Variants in SLC22A2 observed in about 807,000 individuals in gnomAD.
SLC22A2 encodes organic cation transporter 2.
In SLC22A2, 46 loss-of-function variants were observed where a neutral mutation model predicts 60.5. The ratio of observed to expected loss-of-function variants is 0.76; its 90% CI spans 0.60 to 0.97. The LOEUF (loss-of-function observed/expected upper bound fraction) is 0.97. Among genes scored for constraint, SLC22A2 ranks in the 50% least tolerant of loss-of-function variants. The probability of loss-of-function intolerance (pLI) is 0.00; values close to 1 mark genes in which losing one functional copy is unlikely to be tolerated. For missense variants in SLC22A2, 701 were observed against 706.6 expected (o/e 0.99, Z 0.09); for synonymous variants, 303 against 267.0 (o/e 1.13, Z -1.31).
intron 6 of SLC22A2, 29 bp downstream of exon 6, chr6:160,245,410 G>A (rs764131059): frequency 1.6e-6 from 2 of 1,227,938 alleles, no homozygotes; most frequent in Non-Finnish European, 2.4e-6. Context: ...ACAATTTGGA[G>A]GCATTTCAAA....
chr6:160,230,601 A>G (rs1045207097), intron 9 of SLC22A2, among the ~76,000 whole-genome samples: 2 of 152,010 alleles, frequency 1.3e-5, no homozygotes, highest in Non-Finnish European at 2.9e-5. Flanking sequence ...AAGGTGTACA[A>G]TAATAGAGTA....
At chr6:160,234,779 GAAC>G (rs1216031048) in intron 9 of SLC22A2, among the ~76,000 whole-genome samples, 1 of 152,220 alleles carries the variant, frequency 6.6e-6, no homozygotes, top group Non-Finnish European at 1.5e-5. Flanking sequence ...CTTCTGGGAA[GAAC>G]AACGGAAACC....
chr6:160,222,395 T>C lies in SLC22A2; in HGVS notation c.1601+2310A>G, dbSNP rs76722488. Among the ~76,000 whole-genome samples, 815 of 152,330 alleles carry C rather than the reference T, an allele frequency of 5.4e-3. 2 individuals carry two copies. Among genetic ancestry groups the C allele is most frequent in the Middle Eastern group, 0.01 (3 of 294 alleles). On this transcript the variant is annotated intron_variant, in intron 10 of 10. Transcript: ENST00000366953. ...AAATGTGACGGCAGGGCTCAGGCTCTACAGGACTTGCTCTTCACCACACAT... is the reference window on the plus strand; with the variant it reads ...AAATGTGACGGCAGGGCTCAGGCTCCACAGGACTTGCTCTTCACCACACAT...
chr6:160,233,592 C>T (rs1441655975), intron 9 of SLC22A2, among the ~76,000 whole-genome samples: 1 of 151,914 alleles, frequency 6.6e-6, no homozygotes, highest in Non-Finnish European at 1.5e-5. Context: ...CTGGGTCCTC[C>T]CAATTCTTAG....
Position 160,256,153 on chromosome 6 carries a change from C to T in SLC22A2, c.518+461G>A, listed in dbSNP as rs554968676. Among the ~76,000 whole-genome samples the T allele has an allele frequency of 4.6e-5, 7 of 152,124 alleles. No individual in the cohort carries two copies. In the South Asian group the frequency reaches 1.5e-3, roughly 32 times the overall value. On this transcript the variant is annotated intron_variant, in intron 2 of 10. Transcript: ENST00000366953. ...CCAGGAACCCAATTCAGGACTCTTGCAATCCCACGGGTATTAGGGAGATTC... is the reference window on the plus strand; with the variant it reads ...CCAGGAACCCAATTCAGGACTCTTGTAATCCCACGGGTATTAGGGAGATTC...
At chr6:160,223,284 A>G (rs887578419) in intron 10 of SLC22A2, among the ~76,000 whole-genome samples, 1 of 152,238 alleles carries the variant, frequency 6.6e-6, no homozygotes, top group Non-Finnish European at 1.5e-5. Context: ...TCAAAATTAC[A>G]AAAAGGTAAG....
chr6:160,242,167 T>C, intron 8 of SLC22A2, 127 bp downstream of exon 8: 1 of 694,276 alleles, frequency 1.4e-6, no homozygotes, highest in Non-Finnish European at 2.7e-6. Context: ...GCTGGACCTT[T>C]ACGTGTTCTC....
chr6:160,250,494 A>G (rs1783164635), intron 3 of SLC22A2, 54 bp downstream of exon 3: 1 of 1,594,206 alleles, frequency 6.3e-7, no homozygotes, highest in African/African-American at 1.3e-5. Flanking sequence ...ACCTGACTCT[A>G]TTTTGGCAGC....
Position 160,217,453 on chromosome 6 carries a change from T to A in SLC22A2, c.1647A>T (p.Lys549Asn). 8 of 1,604,758 alleles carry A rather than the reference T, an allele frequency of 5.0e-6. No individual in the cohort carries two copies. The highest frequency in any genetic ancestry group is 6.8e-6 in the Non-Finnish European group (8 of 1,172,026). The change falls in exon 11 of 11, where the codon AAA becomes AAT. Residue 549 changes from lysine to asparagine, a missense_variant. Physicochemically the swap from Lys to Asn is moderately conservative, Grantham distance 94. Transcript: ENST00000366953. ...CTTCTTAGTTCAATGGAATGTCTAG[T>A]TTCTGAACTTGGAGGTAAATCATCT... Reference protein sequence around the residue: ...KEKMIYLQVQKLDIPLN With the variant: ...KEKMIYLQVQNLDIPLN
chr6:160,252,001 T>A (rs1415212816), intron 2 of SLC22A2, among the ~76,000 whole-genome samples: 1 of 152,216 alleles, frequency 6.6e-6, no homozygotes, highest in Non-Finnish European at 1.5e-5. Context: ...CTGGGGTACA[T>A]GTGCAGGATG....
Position 160,243,629 on chromosome 6 carries a change from C to T in SLC22A2, c.1222G>A (p.Ala408Thr). The stretch of plus-strand genomic sequence containing the variant: ...GCCCCTGCAACCATATTTGATGCAG[C>T]CCAAGGGTAACGGCGTCCGATGCGG... ...IDRIGRRYPW[A>T]ASNMVAGAAC... The change falls in exon 7 of 11, where the codon GCT (alanine) becomes ACT (threonine). Residue 408 changes from alanine (A) to threonine (T), a missense_variant. Physicochemically the swap from Ala to Thr is moderately conservative, Grantham distance 58. Coordinates refer to ENST00000366953, the MANE Select transcript of SLC22A2 (RefSeq NM_003058.4). The T allele has an allele frequency of 1.2e-6, 2 of 1,614,054 alleles. No individual in the cohort carries two copies. Among genetic ancestry groups the T allele is most frequent in the East Asian group, 2.2e-5 (1 of 44,874 alleles).
intron 10 of SLC22A2, among the ~76,000 whole-genome samples, chr6:160,219,600 G>T (rs1010916589): frequency 1.0e-3 from 143 of 142,756 alleles, no homozygotes; most frequent in African/African-American, 3.4e-3. Flanking sequence ...TCTCTGGCCT[G>T]TTTTTTTTTT....
chr6:160,233,019 G>T (rs1782850325), intron 9 of SLC22A2, among the ~76,000 whole-genome samples: 1 of 151,570 alleles, frequency 6.6e-6, no homozygotes, highest in Non-Finnish European at 1.5e-5. Context: ...TTCCATCGTG[G>T]AAATCTATCC....
chr6:160,258,620 G>C lies in SLC22A2; in HGVS notation c.138C>G (p.Thr46=), dbSNP rs146149903. ...CGGGGCTCCGGCAGCGGTGGTCAGG[G>C]GTGAAGCCCAGGAAGACGATGCCCA... ...IYVGIVFLGF[T]PDHRCRSPGV... Residue 46 remains threonine, a synonymous_variant, in exon 1 of 11, where the codon ACC becomes ACG. Coordinates refer to ENST00000366953, the MANE Select transcript of SLC22A2 (RefSeq NM_003058.4). 7.4e-5 allele frequency: 119 copies of C among 1,614,006 alleles called. No individual in the cohort carries two copies. The African/African-American group carries it at 1.5e-3, about 20-fold the overall frequency.
Position 160,258,345 on chromosome 6 carries a change from T to C in SLC22A2, c.413A>G (p.Glu138Gly). 11 of 1,604,606 alleles carry C rather than the reference T, an allele frequency of 6.9e-6. No individual in the cohort carries two copies. The highest frequency in any genetic ancestry group is 9.4e-6 in the Non-Finnish European group (11 of 1,175,696). ...YETPGSSIVT[E>G]FNLVCANSWM... Reference sequence around the variant, plus strand: ...TGAGCCCTGAGCTCACTCTCTTACCTCGGTGACGATGGACGAGCCAGGCGT... The same window carrying C: ...TGAGCCCTGAGCTCACTCTCTTACCCCGGTGACGATGGACGAGCCAGGCGT... Residue 138 changes from glutamate (E) to glycine (G), a missense_variant and splice_region_variant, in exon 1 of 11, where the codon GAG (glutamate) becomes GGG (glycine). Transcript: ENST00000366953.
In SLC22A2 at chr6:160,217,055, T is replaced by G. The variant is rs1416815565; in HGVS notation, c.*377A>C. 6.1e-6 allele frequency: 1 copy of G among 164,396 alleles called. No homozygotes were observed. Among genetic ancestry groups the G allele is most frequent in the East Asian group, 1.6e-4 (1 of 6,070 alleles). The allele number at this position is 164,396 out of a possible 1,614,324, so 10.2% of individuals were successfully genotyped here. A position where few individuals can be genotyped will look rare whatever the true frequency, so the allele number is the denominator to read the frequency against. On this transcript the variant is annotated 3_prime_UTR_variant, in exon 11 of 11. Coordinates refer to ENST00000366953, the MANE Select transcript of SLC22A2 (RefSeq NM_003058.4). The stretch of plus-strand genomic sequence containing the variant: ...AGAAAATAGATGCTCCTCTCCCAAC[T>G]TTACTGTTTTTCACACTTTTTTCTA...
intron 6 of SLC22A2, 105 bp downstream of exon 6, chr6:160,245,334 T>C: frequency 1.7e-6 from 1 of 604,248 alleles, no homozygotes. Context: ...CTGCCCACCG[T>C]CAGCGCTAAT....
Position 160,219,183 on chromosome 6 carries a change from C to CAACAACAGT in SLC22A2, c.1602-1686_1602-1685insACTGTTGTT, listed in dbSNP as rs1562428792. Among the ~76,000 whole-genome samples, 627 of 142,868 alleles carry CAACAACAGT rather than the reference C, an allele frequency of 4.4e-3. 14 individuals are homozygous for CAACAACAGT. The highest frequency in any genetic ancestry group is 0.016 in the African/African-American group (597 of 37,870). 93.7% of individuals were successfully genotyped at this position (142,868 alleles called of 152,430 possible). On this transcript the variant is annotated intron_variant, in intron 10 of 10. Coordinates refer to ENST00000366953, the MANE Select transcript of SLC22A2 (RefSeq NM_003058.4). ...GCAGCAGCAACATCAGCAACAACAG[C>CAACAACAGT]AGCAACAACAGTAGCAGCAGTAGGA... is the stretch of plus-strand genomic sequence containing the variant.
intron 9 of SLC22A2, among the ~76,000 whole-genome samples, chr6:160,228,996 C>A (rs1162178962): frequency 1.3e-5 from 2 of 151,892 alleles, no homozygotes; most frequent in East Asian, 3.9e-4. Flanking sequence ...AAATAAACAG[C>A]CTCGTTGCTC....
Sources: allele counts gnomAD v4.1 joint callset (sites outside exome capture counted in the v4.1 genomes callset), GRCh38; gene constraint gnomAD v4.1.1; transcripts MANE v1.5; gene names NCBI Gene and HGNC (gene_info 2026-07-23, HGNC 2026-07-21).